The following CNTN4 variants were observed in gnomAD, a reference collection of about 807,000 sequenced individuals.
CNTN4 encodes contactin-4.
In CNTN4, 77 loss-of-function variants were observed where a neutral mutation model predicts 122.5. The observed-to-expected ratio is 0.63, with a 90% CI of 0.52 to 0.76. The LOEUF is 0.76. Among genes scored for constraint, CNTN4 ranks in the 30% least tolerant of loss-of-function variants. The pLI, the probability that CNTN4 is intolerant of heterozygous loss-of-function variation, is 0.00. For synonymous variants in CNTN4, 512 were observed against 447.0 expected, an observed-to-expected ratio of 1.15 and a Z score of -1.83; for missense variants, 1,256 against 1,259.1, an observed-to-expected ratio of 1.00 and a Z score of 0.04.
At chr3:2,586,433 C>G (rs1214435253) in intron 4 of CNTN4, among the ~76,000 whole-genome samples, 1 of 152,188 alleles carries the variant, frequency 6.6e-6, no homozygotes, top group Non-Finnish European at 1.5e-5. Flanking sequence ...GCTGGGATGA[C>G]AGGCACCCAC....
At chr3:2,609,143 C>T (rs2081378115) in intron 4 of CNTN4, among the ~76,000 whole-genome samples, 1 of 152,184 alleles carries the variant, frequency 6.6e-6, no homozygotes, top group Non-Finnish European at 1.5e-5. Context: ...GCTGTGGTTT[C>T]AATGTGTCCT....
chr3:2,857,348 G>A (rs183050319), intron 7 of CNTN4, among the ~76,000 whole-genome samples: 1 of 152,220 alleles, frequency 6.6e-6, no homozygotes, highest in African/African-American at 2.4e-5. Flanking sequence ...ATGCTTCAAG[G>A]GATTAACACT....
At chr3:2,191,362 AG>A (rs1210388144) in intron 2 of CNTN4, among the ~76,000 whole-genome samples, 1 of 152,046 alleles carries the variant, frequency 6.6e-6, no homozygotes, top group Non-Finnish European at 1.5e-5. Flanking sequence ...TGATCAGTAT[AG>A]CCCCTACATT....
chr3:2,368,003 T>C (rs1307292730), intron 3 of CNTN4, among the ~76,000 whole-genome samples: 1 of 151,474 alleles, frequency 6.6e-6, no homozygotes, highest in Non-Finnish European at 1.5e-5. Flanking sequence ...AATTCAGCAC[T>C]TTATCCAAAT....
At chr3:2,996,524 ATATT>A (rs1333449900) in intron 14 of CNTN4, among the ~76,000 whole-genome samples, 5 of 152,186 alleles carry the variant, frequency 3.3e-5, no homozygotes, top group Non-Finnish European at 5.9e-5. Context: ...TTTGTAATGA[ATATT>A]TACTAATCAG....
intron 4 of CNTN4, among the ~76,000 whole-genome samples, chr3:2,608,452 G>T (rs113540358): frequency 0.025 from 3,636 of 145,612 alleles, 145 homozygotes; most frequent in African/African-American, 0.084. Context: ...ATAGTGAGAC[G>T]CTGTCTGTTT....
intron 3 of CNTN4, among the ~76,000 whole-genome samples, chr3:2,481,146 T>C (rs1356365747): frequency 2.0e-5 from 3 of 151,472 alleles, no homozygotes; most frequent in Non-Finnish European, 4.4e-5. Flanking sequence ...TCTCTTTCTT[T>C]CTTTGTTTTT....
chr3:2,560,883 T>C (rs1185005511), intron 3 of CNTN4, among the ~76,000 whole-genome samples: 1 of 152,210 alleles, frequency 6.6e-6, no homozygotes, highest in African/African-American at 2.4e-5. Flanking sequence ...GTAGTAGATT[T>C]TATTTAACAC....
chr3:2,391,747 G>C (rs1425107565), intron 3 of CNTN4, among the ~76,000 whole-genome samples: 4 of 149,546 alleles, frequency 2.7e-5, no homozygotes, highest in African/African-American at 9.7e-5. Context: ...TGAGCTCAGA[G>C]CTGCTTCTCC....
intron 2 of CNTN4, among the ~76,000 whole-genome samples, chr3:2,283,786 G>GT (rs2041808969): frequency 6.6e-6 from 1 of 151,888 alleles, no homozygotes; most frequent in Admixed American, 6.6e-5. Context: ...TACAATCCTT[G>GT]TTTTTTTGGT....
intron 4 of CNTN4, among the ~76,000 whole-genome samples, chr3:2,694,137 A>G (rs2085890934): frequency 6.6e-6 from 1 of 151,854 alleles, no homozygotes; most frequent in Non-Finnish European, 1.5e-5. Flanking sequence ...TTTAATGTCT[A>G]CCTTTCATAA....
chr3:2,108,348 G>A (rs929939381), intron 2 of CNTN4, among the ~76,000 whole-genome samples: 21 of 152,018 alleles, frequency 1.4e-4, no homozygotes, highest in African/African-American at 4.8e-4. Flanking sequence ...TACTCTCATT[G>A]TACTTGTTTC....
At chr3:2,894,067 A>G (rs1413710015) in intron 10 of CNTN4, among the ~76,000 whole-genome samples, 2 of 152,196 alleles carry the variant, frequency 1.3e-5, no homozygotes, top group African/African-American at 4.8e-5. Flanking sequence ...AACTGACTAT[A>G]TTTTTCCAAA....
intron 13 of CNTN4, among the ~76,000 whole-genome samples, chr3:2,948,306 C>T (rs550885569): frequency 1.3e-5 from 2 of 152,068 alleles, no homozygotes; most frequent in African/African-American, 4.8e-5. Flanking sequence ...TACGTTCAAG[C>T]CTACAGAGCC....
In CNTN4 at chr3:2,994,678, A is replaced by G. The variant is rs371397259; in HGVS notation, c.1486+6206A>G. Among the ~76,000 whole-genome samples the G allele has an allele frequency of 1.4e-3, 217 of 151,876 alleles. 1 individual carries two copies. The highest frequency in any genetic ancestry group is 5.1e-3 in the African/African-American group (212 of 41,450). ...CTACAGCATTACTATTGCGCACTATATAAAATTCTTCTGTTTTAACTGTAG... is the reference window on the plus strand; with the variant it reads ...CTACAGCATTACTATTGCGCACTATGTAAAATTCTTCTGTTTTAACTGTAG... On this transcript the variant is annotated intron_variant, in intron 14 of 24. Transcript: ENST00000418658.
intron 3 of CNTN4, among the ~76,000 whole-genome samples, chr3:2,500,773 G>T (rs964380238): frequency 1.5e-4 from 23 of 151,836 alleles, no homozygotes; most frequent in African/African-American, 4.6e-4. Flanking sequence ...TTCTATTGAA[G>T]TATAAATTCC....
intron 3 of CNTN4, among the ~76,000 whole-genome samples, chr3:2,410,231 A>G (rs1303399048): frequency 6.6e-6 from 1 of 152,210 alleles, no homozygotes; most frequent in East Asian, 1.9e-4. Flanking sequence ...TGGGACAGAC[A>G]CTGAAAATCT....
chr3:2,521,994 G>T (rs936457227), intron 3 of CNTN4, among the ~76,000 whole-genome samples: 1 of 152,072 alleles, frequency 6.6e-6, no homozygotes, highest in Admixed American at 6.6e-5. Flanking sequence ...TGAGAGGAAT[G>T]ATCATTACTG....
At chr3:2,733,209 A>T (rs143139890) in intron 4 of CNTN4, among the ~76,000 whole-genome samples, 1 of 152,308 alleles carries the variant, frequency 6.6e-6, no homozygotes, top group African/African-American at 2.4e-5. Flanking sequence ...GGGAACACCA[A>T]TGAATTGAGA....
Sources: allele counts gnomAD v4.1 joint callset (sites outside exome capture counted in the v4.1 genomes callset), GRCh38; gene constraint gnomAD v4.1.1; transcripts MANE v1.5; gene names NCBI Gene and HGNC (gene_info 2026-07-23, HGNC 2026-07-21).